NELL1: variants seen among roughly 807,000 people sequenced by gnomAD.
NELL1 encodes protein kinase C-binding protein NELL1.
NELL1 carries 76 observed loss-of-function variants against 107.4 expected under a neutral mutation model. The observed-to-expected ratio is 0.71, with a 90% confidence interval of 0.59 to 0.86. NELL1 has a LOEUF of 0.86. Among genes scored for constraint, NELL1 ranks in the 40% least tolerant of loss-of-function variants. The pLI is 0.00. For synonymous variants in NELL1, 353 were observed against 341.2 expected (o/e 1.03, Z -0.38); for missense variants, 1,024 against 1,005.5 (o/e 1.02, Z -0.25).
At position 21,180,002 on chromosome 11, in the gene NELL1, G is replaced by A. The variant is rs114089422; in HGVS notation, c.1427-49330G>A. On this transcript the variant is annotated intron_variant, in intron 13 of 19. Coordinates refer to ENST00000357134, the MANE Select transcript of NELL1 (RefSeq NM_006157.5). ...CCACAGAATATATGTAAACAAATGG[G>A]TCTGGCTGTAATTCAATAAAACTTT... Among the ~76,000 whole-genome samples the A allele has an allele frequency of 7.7e-3, 960 of 124,976 alleles. 19 individuals carry two copies. The highest frequency in any genetic ancestry group is 0.025 in the African/African-American group (818 of 32,696). The allele number at this position is 124,976 out of a possible 152,430, so 82.0% of individuals were successfully genotyped here.
chr11:20,849,286 GTT>G (rs1196493192), intron 4 of NELL1, among the ~76,000 whole-genome samples: 1 of 152,200 alleles, frequency 6.6e-6, no homozygotes, highest in Non-Finnish European at 1.5e-5. Flanking sequence ...TTGCTATGCA[GTT>G]TTTTGTTTCT....
At chr11:21,361,178 G>C (rs1851066612) in intron 14 of NELL1, among the ~76,000 whole-genome samples, 1 of 151,510 alleles carries the variant, frequency 6.6e-6, no homozygotes, top group Non-Finnish European at 1.5e-5. Flanking sequence ...AATTCTCTCA[G>C]CGTTTGTTTG....
intron 15 of NELL1, among the ~76,000 whole-genome samples, chr11:21,376,656 A>G (rs1851488011): frequency 6.6e-6 from 1 of 152,088 alleles, no homozygotes; most frequent in South Asian, 2.1e-4. Flanking sequence ...GGCCATTTTA[A>G]TGATATTGAT....
chr11:21,100,522 A>G (rs2133704047), intron 12 of NELL1, among the ~76,000 whole-genome samples: 1 of 152,338 alleles, frequency 6.6e-6, no homozygotes, highest in South Asian at 2.1e-4. Context: ...GTGGAACCAC[A>G]ATATGGAAAA....
intron 14 of NELL1, among the ~76,000 whole-genome samples, chr11:21,345,684 C>T (rs11026037): frequency 0.14 from 21,432 of 152,228 alleles, 1,837 homozygotes; most frequent in Non-Finnish European, 0.2. Flanking sequence ...TGCAGTAGCA[C>T]GACTTCGCTG....
At chr11:21,517,138 T>G (rs1220728033) in intron 15 of NELL1, among the ~76,000 whole-genome samples, 1 of 151,760 alleles carries the variant, frequency 6.6e-6, no homozygotes, top group Non-Finnish European at 1.5e-5. Context: ...GTATATGCTG[T>G]TAAGTATTTG....
intron 13 of NELL1, among the ~76,000 whole-genome samples, chr11:21,116,991 C>T (rs1455132475): frequency 1.3e-5 from 2 of 151,862 alleles, no homozygotes; most frequent in Non-Finnish European, 2.9e-5. Flanking sequence ...TCCTTCTTTC[C>T]CTTCTGTCTT....
At chr11:21,086,995 C>G (rs561501974) in intron 12 of NELL1, among the ~76,000 whole-genome samples, 1 of 151,918 alleles carries the variant, frequency 6.6e-6, no homozygotes, top group African/African-American at 2.4e-5. Flanking sequence ...TGTGTCACCA[C>G]GCCTGGCTAA....
At chr11:20,820,056 T>G (rs1028418130) in intron 3 of NELL1, among the ~76,000 whole-genome samples, 3 of 152,166 alleles carry the variant, frequency 2.0e-5, no homozygotes, top group South Asian at 4.1e-4. Flanking sequence ...CCTATATCAG[T>G]TTTGAAGGCT....
chr11:21,501,713 G>A (rs1326492508), intron 15 of NELL1, among the ~76,000 whole-genome samples: 1 of 152,196 alleles, frequency 6.6e-6, no homozygotes, highest in Admixed American at 6.6e-5. Context: ...ATAATGCAAT[G>A]GAGTAGGTTT....
intron 5 of NELL1, among the ~76,000 whole-genome samples, chr11:20,910,063 T>C (rs1449007100): frequency 6.6e-6 from 1 of 152,182 alleles, no homozygotes; most frequent in Non-Finnish European, 1.5e-5. Flanking sequence ...TTTACTCATA[T>C]GCCTGTAGCT....
At chr11:20,861,057 C>T (rs1475846565) in intron 4 of NELL1, among the ~76,000 whole-genome samples, 1 of 152,150 alleles carries the variant, frequency 6.6e-6, no homozygotes, top group Non-Finnish European at 1.5e-5. Context: ...TCATGACTCC[C>T]AGGCTATATT....
intron 15 of NELL1, among the ~76,000 whole-genome samples, chr11:21,512,579 G>T (rs1022244046): frequency 6.6e-6 from 1 of 152,086 alleles, no homozygotes; most frequent in Non-Finnish European, 1.5e-5. Context: ...TCAACTTTGT[G>T]CCCCTAGTAA....
At chr11:20,996,537 A>T (rs1852094065) in intron 12 of NELL1, among the ~76,000 whole-genome samples, 1 of 152,102 alleles carries the variant, frequency 6.6e-6, no homozygotes, top group African/African-American at 2.4e-5. Context: ...AATCATCTGT[A>T]TCTCACCCTG....
intron 14 of NELL1, among the ~76,000 whole-genome samples, chr11:21,318,005 T>A (rs1429199918): frequency 6.6e-6 from 1 of 152,182 alleles, no homozygotes; most frequent in African/African-American, 2.4e-5. Flanking sequence ...ATGGTGCCTC[T>A]ATGTGCTTTC....
intron 3 of NELL1, among the ~76,000 whole-genome samples, chr11:20,792,667 G>A (rs557030479): frequency 9.2e-5 from 14 of 151,932 alleles, no homozygotes; most frequent in African/African-American, 3.4e-4. Context: ...TACATTAATA[G>A]AATCTATAAT....
chr11:20,844,135 C>T (rs1305346594), intron 3 of NELL1, among the ~76,000 whole-genome samples: 3 of 152,266 alleles, frequency 2.0e-5, no homozygotes, highest in South Asian at 4.1e-4. Context: ...CACATCTGTA[C>T]AAGTGCCTTT....
At chr11:21,051,882 G>A (rs767776098) in intron 12 of NELL1, among the ~76,000 whole-genome samples, 7 of 152,010 alleles carry the variant, frequency 4.6e-5, no homozygotes, top group Non-Finnish European at 8.8e-5. Context: ...GCTTTTGTGG[G>A]GATTACATCC....
chr11:20,787,007 C>CAAAAA (rs71443763), intron 3 of NELL1, among the ~76,000 whole-genome samples: 16 of 60,802 alleles, frequency 2.6e-4, no homozygotes, highest in Admixed American at 1.1e-3. Context: ...GACTCCGTCT[C>CAAAAA]AAAAAAAAAA....
Sources: gnomAD v4.1 joint callset for allele counts (sites outside exome capture counted in the v4.1 genomes callset) on GRCh38, gnomAD v4.1.1 for gene constraint, MANE v1.5 for transcripts, NCBI Gene and HGNC (gene_info 2026-07-23, HGNC 2026-07-21) for gene names.